Variants in NEIL3 observed in about 807,000 individuals in gnomAD.
NEIL3 encodes the protein nei like DNA glycosylase 3.
In NEIL3, 48 loss-of-function variants were observed where a neutral mutation model predicts 57.5. The observed-to-expected ratio is 0.83, with a 90% CI of 0.66 to 1.06. The LOEUF (loss-of-function observed/expected upper bound fraction) is 1.06, where lower values mean the gene tolerates loss of function less well. Ranked by LOEUF, NEIL3 falls within the 50% of genes least tolerant of loss-of-function variation. The probability of loss-of-function intolerance (pLI) is 0.00; values close to 1 mark genes in which losing one functional copy is unlikely to be tolerated. For synonymous variants in NEIL3, 261 were observed against 253.2 expected (o/e 1.03, Z -0.29); for missense variants, 717 against 739.1 (o/e 0.97, Z 0.35).
Position 177,335,681 on chromosome 4 carries a change from G to A in NEIL3, c.279-7G>A. 1 of 1,608,428 alleles carries A rather than the reference G, an allele frequency of 6.2e-7. No homozygotes were observed. The highest frequency in any genetic ancestry group is 1.7e-5 in the Admixed American group (1 of 59,322). On this transcript the variant is annotated splice_region_variant and splice_polypyrimidine_tract_variant and intron_variant, in intron 2 of 9. Coordinates refer to ENST00000264596, the MANE Select transcript of NEIL3 (RefSeq NM_018248.3). The stretch of plus-strand genomic sequence containing the variant: ...TGCCACTCAAAAATGGTTTGATTTT[G>A]TTTCAGGATTCATTTCGGAATGAAA...
intron 1 of NEIL3, among the ~76,000 whole-genome samples, chr4:177,321,058 T>C (rs1321301377): frequency 1.3e-5 from 2 of 151,770 alleles, no homozygotes; most frequent in African/African-American, 4.8e-5. Context: ...AAGAATAGAG[T>C]GGACATGTCA....
At position 177,322,470 on chromosome 4, in the gene NEIL3, G is replaced by GAAT. The variant is rs35076053; in HGVS notation, c.172_174dup (p.Asn58dup). The GAAT allele has an allele frequency of 1.0e-4, 169 of 1,613,904 alleles. 1 individual carries two copies. The African/African-American group carries it at 1.9e-3, about 18-fold the overall frequency. Reference sequence around the variant, plus strand: ...GTATTTTCCACTAGGCTGCTGCACTGAATAATGATTCCAGCCAGAATGTCT... The same window carrying GAAT: ...GTATTTTCCACTAGGCTGCTGCACTGAATAATAATGATTCCAGCCAGAATGTCT... On this transcript the variant is annotated inframe_insertion, in exon 2 of 10. Transcript: ENST00000264596.
intron 6 of NEIL3, among the ~76,000 whole-genome samples, chr4:177,342,126 A>G (rs1428869633): frequency 6.6e-6 from 1 of 152,222 alleles, no homozygotes; most frequent in Non-Finnish European, 1.5e-5. Context: ...AACTGGAGAA[A>G]TAACCGCAGG....
At chr4:177,354,784 G>A (rs907258306) in intron 8 of NEIL3, among the ~76,000 whole-genome samples, 2 of 152,102 alleles carry the variant, frequency 1.3e-5, no homozygotes, top group African/African-American at 4.8e-5. Context: ...GCCTGGCGTT[G>A]TTCTTTAACT....
chr4:177,313,994 A>T (rs1560906103), intron 1 of NEIL3, among the ~76,000 whole-genome samples: 1 of 152,152 alleles, frequency 6.6e-6, no homozygotes, highest in Admixed American at 6.5e-5. Flanking sequence ...CCTTCTTCAA[A>T]GTGGGGGAAA....
rs375478163 is a variant in NEIL3, at chr4:177,310,010, C to T, written c.57C>T (p.Leu19=). Reference sequence around the variant, plus strand: ...GAGAGAAGATTCGCGCGCGGGTGCTCCCGGGCCAGGCGGTGACCGGCGTGC... The same window carrying T: ...GAGAGAAGATTCGCGCGCGGGTGCTTCCGGGCCAGGCGGTGACCGGCGTGC... ...LNGEKIRARV[L]PGQAVTGVRG... is the part of the protein sequence containing the mutation. The change falls in exon 1 of 10, where the codon CTC becomes CTT. Residue 19 remains leucine, a synonymous_variant. Coordinates refer to ENST00000264596, the MANE Select transcript of NEIL3 (RefSeq NM_018248.3). 454 of 1,610,388 alleles carry T rather than the reference C, an allele frequency of 2.8e-4. 2 individuals carry two copies. Among genetic ancestry groups the T allele is most frequent in the Middle Eastern group, 8.1e-4 (4 of 4,964 alleles).
At chr4:177,346,306 A>G (rs1013570901) in intron 6 of NEIL3, among the ~76,000 whole-genome samples, 6 of 152,000 alleles carry the variant, frequency 3.9e-5, no homozygotes, top group African/African-American at 1.5e-4. Flanking sequence ...AGCTGGGACA[A>G]CAGGCATGCA....
At chr4:177,359,001 T>C (rs1366538161) in intron 8 of NEIL3, among the ~76,000 whole-genome samples, 1 of 152,204 alleles carries the variant, frequency 6.6e-6, no homozygotes, top group Admixed American at 6.5e-5. Context: ...TGAAATCTCT[T>C]GACTTCTCTA....
intron 8 of NEIL3, among the ~76,000 whole-genome samples, chr4:177,354,432 A>C (rs933790662): frequency 6.6e-6 from 1 of 152,168 alleles, no homozygotes; most frequent in Non-Finnish European, 1.5e-5. Context: ...ACTATTTTTT[A>C]TAAAAGTTTA....
chr4:177,311,463 G>A (rs1031009237), intron 1 of NEIL3, among the ~76,000 whole-genome samples: 2 of 151,882 alleles, frequency 1.3e-5, no homozygotes, highest in Non-Finnish European at 2.9e-5. Context: ...ATCGCCTGAG[G>A]TTGGGAGTTC....
chr4:177,343,531 A>C (rs1163871534), intron 6 of NEIL3: 2 of 152,332 alleles, frequency 1.3e-5, no homozygotes, highest in African/African-American at 4.8e-5. Context: ...GGGGCAGGGG[A>C]GGGAGCTGGT....
In NEIL3 at chr4:177,345,110, C is replaced by G. The variant is rs1479755597; in HGVS notation, c.869+3468C>G. Reference sequence around the variant, plus strand: ...AGTAAATGGTAAATAGATAAAGCACCGTGATGGAAGTGTTGTAAAGGGACA... The same window carrying G: ...AGTAAATGGTAAATAGATAAAGCACGGTGATGGAAGTGTTGTAAAGGGACA... On this transcript the variant is annotated intron_variant, in intron 6 of 9. Transcript: ENST00000264596. 1.3e-5 allele frequency among the ~76,000 whole-genome samples: 2 copies of G among 151,988 alleles called. 1 individual carries two copies. Among genetic ancestry groups the G allele is most frequent in the South Asian group, 4.2e-4 (2 of 4,818 alleles).
intron 1 of NEIL3, among the ~76,000 whole-genome samples, chr4:177,313,398 G>A (rs963892004): frequency 6.6e-6 from 1 of 152,162 alleles, no homozygotes; most frequent in Non-Finnish European, 1.5e-5. Flanking sequence ...GAAGATCCCA[G>A]CATCTGCTAG....
downstream of NEIL3, among the ~76,000 whole-genome samples, chr4:177,364,000 C>T (rs2110949102): frequency 6.6e-6 from 1 of 152,302 alleles, no homozygotes; most frequent in Middle Eastern, 3.4e-3. Context: ...CCCACTTTGG[C>T]CTTCCAAAGT....
intron 6 of NEIL3, among the ~76,000 whole-genome samples, chr4:177,348,858 ATTTT>A (rs749391559): frequency 0.019 from 1,425 of 73,590 alleles, 15 homozygotes; most frequent in Admixed American, 0.047. Context: ...TGGCTCATGA[ATTTT>A]TTTTTTTTTT....
intron 1 of NEIL3, among the ~76,000 whole-genome samples, chr4:177,311,674 CAA>C (rs763838033): frequency 2.0e-3 from 115 of 58,612 alleles, no homozygotes; most frequent in African/African-American, 4.7e-3. Flanking sequence ...AACTCTGTCT[CAA>C]AAAAAAAAAA....
At chr4:177,342,937 C>T (rs1414012367) in intron 6 of NEIL3, 2 of 152,132 alleles carry the variant, frequency 1.3e-5, no homozygotes, top group Non-Finnish European at 1.5e-5. Context: ...TAAATTAGCA[C>T]ATTAAGGACT....
rs1735233385 is a variant in NEIL3, at chr4:177,346,997, G to A, written c.870-4383G>A. 2.9e-5 allele frequency among the ~76,000 whole-genome samples: 3 copies of A among 103,182 alleles called. No homozygotes were observed. The South Asian group carries it at 8.4e-4, about 29-fold the overall frequency. 67.7% of individuals were successfully genotyped at this position (103,182 alleles called of 152,430 possible). A position where few individuals can be genotyped will look rare whatever the true frequency, so the allele number is the denominator to read the frequency against. On this transcript the variant is annotated intron_variant, in intron 6 of 9. Coordinates refer to ENST00000264596, the MANE Select transcript of NEIL3 (RefSeq NM_018248.3). ...ACCCTAGGTAACAGAGCGAGACTCC[G>A]TCTCAAAAAAAAAAAAAAAGAAAAA...
chr4:177,351,068 C>T (rs558888871), intron 6 of NEIL3, among the ~76,000 whole-genome samples: 2 of 151,380 alleles, frequency 1.3e-5, no homozygotes, highest in Admixed American at 1.3e-4. Flanking sequence ...GCCAAGCAGA[C>T]CAATGTGCAC....
Sources: allele counts gnomAD v4.1 joint callset (sites outside exome capture counted in the v4.1 genomes callset), GRCh38; gene constraint gnomAD v4.1.1; transcripts MANE v1.5; gene names NCBI Gene and HGNC (gene_info 2026-07-23, HGNC 2026-07-21).